DTX1: variants seen among roughly 807,000 people sequenced by gnomAD.
DTX1 encodes deltex E3 ubiquitin ligase 1.
A neutral mutation model predicts 57.8 loss-of-function variants in DTX1; 26 were observed. That is an observed-to-expected ratio of 0.45 (90% CI 0.33 to 0.62). The LOEUF is 0.62. Ranked by LOEUF, DTX1 falls within the 20% of genes least tolerant of loss-of-function variation. DTX1 has a pLI of 0.02. For missense variants in DTX1, 704 were observed against 895.3 expected (o/e 0.79, Z 2.73); for synonymous variants, 398 against 394.1 (o/e 1.01, Z -0.12).
chr12:113,093,080 CAG>C lies in DTX1; in HGVS notation c.942-78_942-77del, dbSNP rs1950259124. On this transcript the variant is annotated intron_variant, in intron 3 of 9. Transcript: ENST00000548759. This position sits in a 1 kb window ranked among gnomAD's most constrained non-coding sequence, Gnocchi z 4.2. The stretch of plus-strand genomic sequence containing the variant: ...AGGCCAGGGTGTGTGGCCCAGGAGC[CAG>C]AGACAGAAGGCAAGCCAGGTCCCCT... 6.9e-7 allele frequency: 1 copy of C among 1,439,528 alleles called. No individual in the cohort carries two copies. Among genetic ancestry groups the C allele is most frequent in the Non-Finnish European group, 9.5e-7 (1 of 1,047,870 alleles). 89.2% of individuals were successfully genotyped at this position (1,439,528 alleles called of 1,614,324 possible).
chr12:113,093,761 T>G lies in DTX1; in HGVS notation c.1165+61T>G. 5 of 1,591,706 alleles carry G rather than the reference T, an allele frequency of 3.1e-6. 1 individual carries two copies. The highest frequency in any genetic ancestry group is 2.3e-5 in the South Asian group (2 of 88,822). On this transcript the variant is annotated intron_variant, in intron 5 of 9. Transcript: ENST00000548759. This position sits in a 1 kb window ranked among gnomAD's most constrained non-coding sequence, Gnocchi z 4.2. ...CCCCACTAAGCCTTGACCACAACTC[T>G]GTGACCCCTGGTCTCCAACTTATTC...
rs143697544 is a variant in DTX1 at position 113,065,318 on chromosome 12, G to A, written c.259+6867G>A. Reference sequence around the variant, plus strand: ...AAGCTCAGAGGGTGGGGAGCCGCCTGCCGACGCTGAGAAGAGACGGGTCTG... The same window carrying A: ...AAGCTCAGAGGGTGGGGAGCCGCCTACCGACGCTGAGAAGAGACGGGTCTG... On this transcript the variant is annotated intron_variant, in intron 2 of 9. Coordinates refer to ENST00000548759, the MANE Select transcript of DTX1 (RefSeq NM_004416.3). Among the ~76,000 whole-genome samples, 1,060 of 152,292 alleles carry A rather than the reference G, an allele frequency of 7.0e-3. 11 individuals carry two copies. Among genetic ancestry groups the A allele is most frequent in the African/African-American group, 0.024 (990 of 41,560 alleles).
rs377259444 is a variant in DTX1, at chr12:113,058,210, C to T, written c.18C>T (p.His6=). 20 of 1,608,384 alleles carry T rather than the reference C, an allele frequency of 1.2e-5. No individual in the cohort carries two copies. The highest frequency in any genetic ancestry group is 1.7e-5 in the Non-Finnish European group (20 of 1,177,396). Residue 6 remains histidine, a synonymous_variant, in exon 2 of 10, where the codon CAC becomes CAT. Coordinates refer to ENST00000548759, the MANE Select transcript of DTX1 (RefSeq NM_004416.3). MSRPG[H]GGLMPVNGLG... Reference sequence around the variant, plus strand: ...TGGCGGCCATGTCACGGCCAGGCCACGGTGGGCTGATGCCTGTGAATGGTC... The same window carrying T: ...TGGCGGCCATGTCACGGCCAGGCCATGGTGGGCTGATGCCTGTGAATGGTC...
At chr12:113,063,581 T>C (rs1200707277) in intron 2 of DTX1, among the ~76,000 whole-genome samples, 2 of 152,226 alleles carry the variant, frequency 1.3e-5, no homozygotes, top group Non-Finnish European at 2.9e-5. Context: ...ATGGGATAGC[T>C]GAGGCCGAGG....
chr12:113,096,835 G>C lies in DTX1; in HGVS notation c.1759G>C (p.Gly587Arg). The C allele has an allele frequency of 6.2e-7, 1 of 1,613,970 alleles. No individual in the cohort carries two copies. Among genetic ancestry groups the C allele is most frequent in the Non-Finnish European group, 8.5e-7 (1 of 1,180,028 alleles). Residue 587 changes from glycine to arginine, a missense_variant, in exon 10 of 10, where the codon GGA (glycine) becomes CGA (arginine). By Grantham distance (125) the Gly-to-Arg change is moderately radical. Coordinates refer to ENST00000548759, the MANE Select transcript of DTX1 (RefSeq NM_004416.3). ...CGAGATCCACCACAAGACCGAGTTT[G>C]GATCCAACCTCACGGGCCACGGCTA... Reference protein sequence around the residue: ...WNEIHHKTEFGSNLTGHGYPD... With the variant: ...WNEIHHKTEFRSNLTGHGYPD...
chr12:113,097,470 G>GA lies in DTX1; in HGVS notation c.*531_*532insA, dbSNP rs1950318973. ...TCACCCATTCCGTGTCATCACCCAT[G>GA]TCTGCCACCCACTGATTGGGCAATT... is the stretch of plus-strand genomic sequence containing the variant. On this transcript the variant is annotated 3_prime_UTR_variant, in exon 10 of 10. Coordinates refer to ENST00000548759, the MANE Select transcript of DTX1 (RefSeq NM_004416.3). 6.5e-6 allele frequency: 1 copy of GA among 152,790 alleles called. No homozygotes were observed. Among genetic ancestry groups the GA allele is most frequent in the Admixed American group, 6.5e-5 (1 of 15,308 alleles). The allele number at this position is 152,790 out of a possible 1,614,324, so 9.5% of individuals were successfully genotyped here.
In DTX1 at chr12:113,087,077, C is replaced by T. The variant is rs964123028; in HGVS notation, c.942-6085C>T. ...CTCCCTGCCCCCAACCATCTCCTCCCGTTCCTTCCCCCGCAGAGAGCTGGG... is the reference window on the plus strand; with the variant it reads ...CTCCCTGCCCCCAACCATCTCCTCCTGTTCCTTCCCCCGCAGAGAGCTGGG... On this transcript the variant is annotated intron_variant, in intron 3 of 9. Transcript: ENST00000548759. Among the ~76,000 whole-genome samples the T allele has an allele frequency of 4.6e-5, 7 of 152,248 alleles. No individual in the cohort carries two copies. In the East Asian group the frequency reaches 9.6e-4, roughly 21 times the overall value.
At chr12:113,084,967 T>C (rs1007735343) in intron 3 of DTX1, among the ~76,000 whole-genome samples, 1 of 138,174 alleles carries the variant, frequency 7.2e-6, no homozygotes. Flanking sequence ...AGTTTTTGCA[T>C]CTGTGAAATG....
intron 2 of DTX1, among the ~76,000 whole-genome samples, chr12:113,071,365 T>A (rs755553596): frequency 2.0e-5 from 3 of 152,206 alleles, no homozygotes; most frequent in Non-Finnish European, 4.4e-5. Flanking sequence ...TGCCAAACAT[T>A]TTTAAGCAAC....
chr12:113,065,233 T>G (rs1024816820), intron 2 of DTX1, among the ~76,000 whole-genome samples: 6 of 152,188 alleles, frequency 3.9e-5, no homozygotes, highest in Non-Finnish European at 8.8e-5. Flanking sequence ...TCCTACAGTC[T>G]GTCTGGGTTC....
chr12:113,090,515 C>A (rs1184185229), intron 3 of DTX1, among the ~76,000 whole-genome samples: 1 of 152,202 alleles, frequency 6.6e-6, no homozygotes, highest in Non-Finnish European at 1.5e-5. Flanking sequence ...GGACTCTATC[C>A]CCATTACAGG....
At chr12:113,083,781 C>T (rs1024063752) in intron 3 of DTX1, among the ~76,000 whole-genome samples, 2 of 152,218 alleles carry the variant, frequency 1.3e-5, no homozygotes, top group Non-Finnish European at 2.9e-5. Flanking sequence ...CTTAGTCACT[C>T]TCTTTCCTTC....
chr12:113,072,437 T>C (rs2044743217), intron 2 of DTX1, among the ~76,000 whole-genome samples: 1 of 152,118 alleles, frequency 6.6e-6, no homozygotes, highest in Non-Finnish European at 1.5e-5. Context: ...CTTTGCTGGA[T>C]GAATAGGAGT....
At chr12:113,090,647 C>T (rs889135840) in intron 3 of DTX1, among the ~76,000 whole-genome samples, 4 of 152,194 alleles carry the variant, frequency 2.6e-5, no homozygotes, top group African/African-American at 9.7e-5. Flanking sequence ...TCCATCACAC[C>T]GGCGCCTCCT....
chr12:113,056,988 G>A (rs967432210), intron 1 of DTX1, 44 bp downstream of exon 1: 3 of 152,220 alleles, frequency 2.0e-5, no homozygotes, highest in African/African-American at 7.2e-5. Flanking sequence ...GGCTCCCGCT[G>A]GGGGCCCGCG....
rs117558786 is a variant in DTX1, at chr12:113,073,880, T to C, written c.260-3544T>C. On this transcript the variant is annotated intron_variant, in intron 2 of 9. Coordinates refer to ENST00000548759, the MANE Select transcript of DTX1 (RefSeq NM_004416.3). The stretch of plus-strand genomic sequence containing the variant: ...AGCAAAGCAGACAAGATCCCTGACT[T>C]TGCAGCTGACAGCCTAGAGTGAGGA... Among the ~76,000 whole-genome samples, 141 of 152,260 alleles carry C rather than the reference T, an allele frequency of 9.3e-4. 3 individuals are homozygous for C. In the East Asian group the frequency reaches 0.026, roughly 28 times the overall value.
At position 113,093,093 on chromosome 12, in the gene DTX1, C is replaced by CG. The variant is rs1340038613; in HGVS notation, c.942-69_942-68insG. On this transcript the variant is annotated intron_variant, in intron 3 of 9. Coordinates refer to ENST00000548759, the MANE Select transcript of DTX1 (RefSeq NM_004416.3). This position sits in a 1 kb window ranked among gnomAD's most constrained non-coding sequence, Gnocchi z 4.2. ...TGGCCCAGGAGCCAGAGACAGAAGG[C>CG]AAGCCAGGTCCCCTGACGTCGCTTC... 14 of 1,514,584 alleles carry CG rather than the reference C, an allele frequency of 9.2e-6. No homozygotes were observed. The highest frequency in any genetic ancestry group is 1.2e-5 in the Non-Finnish European group (13 of 1,114,830). The allele number at this position is 1,514,584 out of a possible 1,614,324, so 93.8% of individuals were successfully genotyped here.
rs1950311220 is a variant in DTX1 at position 113,097,075 on chromosome 12, T to A, written c.*136T>A. 1.0e-6 allele frequency: 1 copy of A among 964,428 alleles called. No individual in the cohort carries two copies. The highest frequency in any genetic ancestry group is 1.5e-6 in the Non-Finnish European group (1 of 669,688). The allele number at this position is 964,428 out of a possible 1,614,324, so 59.7% of individuals were successfully genotyped here. A position where few individuals can be genotyped will look rare whatever the true frequency, so the allele number is the denominator to read the frequency against. On this transcript the variant is annotated 3_prime_UTR_variant, in exon 10 of 10. Coordinates refer to ENST00000548759, the MANE Select transcript of DTX1 (RefSeq NM_004416.3). ...AGGGGCCGCAGCCATTCAGGGGACC[T>A]GCCTGGTGGCAGCTGGGATGAAGAG...
intron 2 of DTX1, among the ~76,000 whole-genome samples, chr12:113,076,956 C>T (rs1014696538): frequency 2.6e-5 from 4 of 152,022 alleles, no homozygotes; most frequent in Non-Finnish European, 4.4e-5. Flanking sequence ...CCTTTGCCCT[C>T]CCCCGCACCA....
Sources: allele counts gnomAD v4.1 joint callset (sites outside exome capture counted in the v4.1 genomes callset), GRCh38; gene constraint gnomAD v4.1.1; non-coding constraint Gnocchi (gnomAD v3.1); transcripts MANE v1.5; gene names NCBI Gene and HGNC (gene_info 2026-07-23, HGNC 2026-07-21).